The following ADAP1 variants were observed in gnomAD, a reference collection of about 807,000 sequenced individuals.
The protein encoded by ADAP1 is ArfGAP with dual PH domains 1, also known as arf-GAP with dual PH domain-containing protein 1.
In ADAP1, 31 loss-of-function variants were observed where a neutral mutation model predicts 54.9. The observed-to-expected ratio is 0.56, with a 90% CI of 0.42 to 0.76. ADAP1 has a LOEUF of 0.76. Among genes scored for constraint, ADAP1 ranks in the 30% least tolerant of loss-of-function variants. The pLI, the probability that ADAP1 is intolerant of heterozygous loss-of-function variation, is 0.00. For synonymous variants in ADAP1, 313 were observed against 202.6 expected (o/e 1.55, Z -4.63); for missense variants, 535 against 512.4 (o/e 1.04, Z -0.42).
chr7:935,103 G>C (rs571967148), intron 2 of ADAP1: 2 of 585,620 alleles, frequency 3.4e-6, no homozygotes, highest in Non-Finnish European at 6.6e-6. Flanking sequence ...CCCAGGGCAC[G>C]GGAATCGGCG....
At chr7:928,174 C>T (rs548442079) in intron 2 of ADAP1, among the ~76,000 whole-genome samples, 1 of 151,556 alleles carries the variant, frequency 6.6e-6, no homozygotes, top group African/African-American at 2.4e-5. Context: ...GGGCTATGGT[C>T]GCACCACTGA....
At chr7:921,994 G>A (rs572629090) in intron 3 of ADAP1, among the ~76,000 whole-genome samples, 1 of 152,322 alleles carries the variant, frequency 6.6e-6, no homozygotes, top group African/African-American at 2.4e-5. Context: ...GAAGCTTCCA[G>A]AAGCAGCAGC....
Position 920,813 on chromosome 7 carries a change from C to G in ADAP1, c.306-763G>C. 1.3e-6 allele frequency: 2 copies of G among 1,550,280 alleles called. No individual in the cohort carries two copies. The highest frequency in any genetic ancestry group is 1.7e-6 in the Non-Finnish European group (2 of 1,146,894). On this transcript the variant is annotated intron_variant, in intron 3 of 10. Coordinates refer to ENST00000265846, the MANE Select transcript of ADAP1 (RefSeq NM_006869.4). The surrounding 1 kb of genome is among the most constrained non-coding windows in gnomAD (Gnocchi z 4.5). ...GTGAAGCCAATACCATTGCAGAAAC[C>G]ACGACCCACACACAGGCCCGGCACG...
intron 7 of ADAP1, 48 bp downstream of exon 7, chr7:900,485 C>A: frequency 7.2e-7 from 1 of 1,383,094 alleles, no homozygotes; most frequent in South Asian, 1.2e-5. Context: ...CACCCCCCAC[C>A]CCACCACCCC....
At position 954,508 on chromosome 7, in the gene ADAP1, G is replaced by C. The variant is rs1315145325; in HGVS notation, c.-31C>G. On this transcript the variant is annotated 5_prime_UTR_variant, in exon 1 of 11. Transcript: ENST00000265846. Reference sequence around the variant, plus strand: ...CGATGCGCCCGCGATGCCGATGCCGGGGCCGGGGCCGGGAGCGTCAGCCCG... The same window carrying C: ...CGATGCGCCCGCGATGCCGATGCCGCGGCCGGGGCCGGGAGCGTCAGCCCG... 26 of 1,009,602 alleles carry C rather than the reference G, an allele frequency of 2.6e-5. No homozygotes were observed. Among genetic ancestry groups the C allele is most frequent in the Admixed American group, 6.0e-5 (1 of 16,550 alleles). 62.5% of individuals were successfully genotyped at this position (1,009,602 alleles called of 1,614,324 possible).
intron 3 of ADAP1, among the ~76,000 whole-genome samples, chr7:921,477 G>A (rs78359751): frequency 0.088 from 13,429 of 152,218 alleles, 789 homozygotes; most frequent in South Asian, 0.16. Flanking sequence ...GCACCACCAC[G>A]ACTTGGTAAT....
intron 2 of ADAP1, among the ~76,000 whole-genome samples, chr7:933,493 CCGGGGT>C (rs1459608378): frequency 1.3e-5 from 1 of 78,676 alleles, no homozygotes; most frequent in Non-Finnish European, 3.1e-5. Flanking sequence ...GAGCCGGGGG[CCGGGGT>C]CAGTGGTGCT....
rs555924864 is a variant in ADAP1 at position 926,783 on chromosome 7, G to A, written c.214-139C>T. 97 of 743,626 alleles carry A rather than the reference G, an allele frequency of 1.3e-4. No individual in the cohort carries two copies. The African/African-American group carries it at 1.6e-3, about 12-fold the overall frequency. 46.1% of individuals were successfully genotyped at this position (743,626 alleles called of 1,614,324 possible). ...GCTCCACCAGCACCAGGACGGGAAC[G>A]CCACCTCCTCCTGCCCCAGGGACAC... On this transcript the variant is annotated intron_variant, in intron 2 of 10. Coordinates refer to ENST00000265846, the MANE Select transcript of ADAP1 (RefSeq NM_006869.4). This position sits in a 1 kb window ranked among gnomAD's most constrained non-coding sequence, Gnocchi z 4.6.
chr7:915,549 C>G (rs534989674), intron 4 of ADAP1, among the ~76,000 whole-genome samples: 3 of 152,232 alleles, frequency 2.0e-5, no homozygotes, highest in Admixed American at 2.0e-4. Context: ...ACCTCTGCCC[C>G]GACTCTACCC....
intron 4 of ADAP1, chr7:905,689 A>AGAAAGG (rs1845199488): frequency 4.4e-5 from 1 of 22,898 alleles, no homozygotes; most frequent in Non-Finnish European, 6.9e-5. Flanking sequence ...AGGAGAAAGG[A>AGAAAGG]GAAAGGAGAA....
chr7:906,753 CATGGACAGGGGACATGGGGG>C lies in ADAP1; in HGVS notation c.389-1601_389-1582del, dbSNP rs1583136833. ...CATGGGGGACAGAGTACATAGGGGA[CATGGACAGGGGACATGGGGG>C]ACAGGGGACACGGGGGACGGGACAG... On this transcript the variant is annotated intron_variant, in intron 4 of 10. Coordinates refer to ENST00000265846, the MANE Select transcript of ADAP1 (RefSeq NM_006869.4). Among the ~76,000 whole-genome samples, 3 of 18,568 alleles carry C rather than the reference CATGGACAGGGGACATGGGGG, an allele frequency of 1.6e-4. 1 individual carries two copies. The highest frequency in any genetic ancestry group is 6.0e-4 in the African/African-American group (3 of 4,962). The allele number at this position is 18,568 out of a possible 152,430, so 12.2% of individuals were successfully genotyped here.
At chr7:913,586 C>T (rs1344865171) in intron 4 of ADAP1, among the ~76,000 whole-genome samples, 2 of 152,112 alleles carry the variant, frequency 1.3e-5, no homozygotes, top group Non-Finnish European at 2.9e-5. Flanking sequence ...TTATAATCCC[C>T]TTATACCATC....
chr7:913,373 T>G (rs980305993), intron 4 of ADAP1, among the ~76,000 whole-genome samples: 3 of 150,454 alleles, frequency 2.0e-5, no homozygotes, highest in African/African-American at 4.9e-5. Context: ...GCTAATTTTT[T>G]TGTATTTTTA....
intron 6 of ADAP1, chr7:900,884 G>GGCCGGGCCA: frequency 2.0e-6 from 1 of 512,264 alleles, no homozygotes; most frequent in South Asian, 1.6e-5. Flanking sequence ...AAGGGCCGAA[G>GGCCGGGCCA]GGCCGGGCCG....
chr7:905,878 A>AAGGGAG (rs2128096890), intron 4 of ADAP1, among the ~76,000 whole-genome samples: 1 of 21,366 alleles, frequency 4.7e-5, no homozygotes, highest in Non-Finnish European at 1.2e-4. Context: ...GAGAAGGGAG[A>AAGGGAG]AAGGAGAAAG....
At chr7:900,486 C>A (rs750518098) in intron 7 of ADAP1, 47 bp downstream of exon 7, 2 of 1,396,556 alleles carry the variant, frequency 1.4e-6, no homozygotes, top group South Asian at 2.4e-5. Context: ...ACCCCCCACC[C>A]CACCACCCCT....
chr7:932,915 G>T (rs1846629480), intron 2 of ADAP1, among the ~76,000 whole-genome samples: 1 of 152,140 alleles, frequency 6.6e-6, no homozygotes, highest in Admixed American at 6.5e-5. Context: ...TGCTGTCCTT[G>T]GGTCTTTTTC....
In ADAP1 at chr7:938,195, A is replaced by G. The variant is rs1301488341; in HGVS notation, c.83-2690T>C. 1.3e-5 allele frequency among the ~76,000 whole-genome samples: 2 copies of G among 151,952 alleles called. No homozygotes were observed. Among genetic ancestry groups the G allele is most frequent in the Non-Finnish European group, 2.9e-5 (2 of 68,004 alleles). ...TTGTATTGTATTGTTTTGTTTTGAG[A>G]CAGGGTCTTGCCCTGTTGCCCAAGG... On this transcript the variant is annotated intron_variant, in intron 1 of 10. Transcript: ENST00000265846. This position sits in a 1 kb window ranked among gnomAD's most constrained non-coding sequence, Gnocchi z 4.4.
chr7:926,723 T>C lies in ADAP1; in HGVS notation c.214-79A>G. On this transcript the variant is annotated intron_variant, in intron 2 of 10. Transcript: ENST00000265846. This position sits in a 1 kb window ranked among gnomAD's most constrained non-coding sequence, Gnocchi z 4.6. ...GAGGTGCCAGCTGCCCTTGGGGCCG[T>C]CACCACAGTGACCCGCAGACCCAAG... is the stretch of plus-strand genomic sequence containing the variant. The C allele has an allele frequency of 8.3e-7, 1 of 1,198,148 alleles. No homozygotes were observed. The highest frequency in any genetic ancestry group is 1.5e-5 in the South Asian group (1 of 64,906). 74.2% of individuals were successfully genotyped at this position (1,198,148 alleles called of 1,614,324 possible).
Sources: gnomAD v4.1 joint callset for allele counts (sites outside exome capture counted in the v4.1 genomes callset) on GRCh38, gnomAD v4.1.1 for gene constraint, Gnocchi (gnomAD v3.1) non-coding constraint, MANE v1.5 for transcripts, NCBI Gene and HGNC (gene_info 2026-07-23, HGNC 2026-07-21) for gene names.